The following RFC3 variants were observed in gnomAD, a reference collection of about 807,000 sequenced individuals.
RFC3 encodes the protein replication factor C subunit 3.
In RFC3, 41 loss-of-function variants were observed where a neutral mutation model predicts 45.1. The ratio of observed to expected loss-of-function variants is 0.91; its 90% CI spans 0.71 to 1.18. RFC3 has a LOEUF of 1.18. RFC3 is among the 50% of genes most tolerant of loss of function. The probability of loss-of-function intolerance (pLI) is 0.00; values close to 1 mark genes in which losing one functional copy is unlikely to be tolerated. For synonymous variants in RFC3, 149 were observed against 144.0 expected, an observed-to-expected ratio of 1.03 and a Z score of -0.25; for missense variants, 423 against 428.1, an observed-to-expected ratio of 0.99 and a Z score of 0.10.
intron 8 of RFC3, among the ~76,000 whole-genome samples, chr13:33,902,040 C>T (rs746939788): frequency 2.0e-5 from 3 of 151,984 alleles, no homozygotes; most frequent in Non-Finnish European, 4.4e-5. Context: ...CCATCCCACA[C>T]ATAAGGCAAA....
chr13:33,845,240 A>T (rs993089997), intron 8 of RFC3, among the ~76,000 whole-genome samples: 2 of 152,082 alleles, frequency 1.3e-5, no homozygotes, highest in Non-Finnish European at 2.9e-5. Context: ...TGATTATTAG[A>T]TGCCTTGAGA....
At chr13:33,839,066 A>G (rs894370936), downstream of RFC3, among the ~76,000 whole-genome samples, 1 of 152,208 alleles carries the variant, frequency 6.6e-6, no homozygotes, top group South Asian at 2.1e-4. Context: ...ATACTTAGAC[A>G]TCATGAGACT....
chr13:33,937,606 T>A (rs920135318), intron 8 of RFC3, among the ~76,000 whole-genome samples: 6 of 152,174 alleles, frequency 3.9e-5, no homozygotes, highest in Non-Finnish European at 8.8e-5. Flanking sequence ...TTTTTGCTCC[T>A]GTGCACAATT....
intron 8 of RFC3, among the ~76,000 whole-genome samples, chr13:33,900,501 C>T (rs765349142): frequency 6.8e-6 from 1 of 146,680 alleles, no homozygotes; most frequent in Non-Finnish European, 1.5e-5. Context: ...AACTAGATTC[C>T]TATCTCTGTC....
chr13:33,856,572 G>A (rs1297016251), intron 8 of RFC3, among the ~76,000 whole-genome samples: 2 of 152,034 alleles, frequency 1.3e-5, no homozygotes, highest in Non-Finnish European at 2.9e-5. Flanking sequence ...TTTTCCACTG[G>A]GCTTAAGTAA....
exon 9 of RFC3, chr13:33,966,276 A>C (rs2083087364): frequency 1.5e-6 from 1 of 673,378 alleles, no homozygotes; most frequent in Non-Finnish European, 2.7e-6. Context: ...ATTTCCTGAG[A>C]AAATCCCTCC....
At chr13:33,830,888 T>G in intron 6 of RFC3, 33 bp downstream of exon 6, 1 of 1,583,258 alleles carries the variant, frequency 6.3e-7, no homozygotes, top group Non-Finnish European at 8.6e-7. Context: ...TTCTAGGACT[T>G]TGGCCCCCAA....
At chr13:33,923,361 A>C (rs1220021394) in intron 8 of RFC3, among the ~76,000 whole-genome samples, 1 of 152,066 alleles carries the variant, frequency 6.6e-6, no homozygotes, top group African/African-American at 2.4e-5. Context: ...GGCCCAAAAA[A>C]TGCCAGGAAT....
chr13:33,870,641 C>T (rs570369431), intron 8 of RFC3, among the ~76,000 whole-genome samples: 3 of 152,260 alleles, frequency 2.0e-5, no homozygotes, highest in South Asian at 4.1e-4. Flanking sequence ...AGAAGATAAA[C>T]ACTCAGTGGG....
intron 8 of RFC3, among the ~76,000 whole-genome samples, chr13:33,859,997 A>C (rs1470779264): frequency 2.0e-5 from 3 of 152,178 alleles, no homozygotes; most frequent in African/African-American, 7.2e-5. Flanking sequence ...TGGTGACCTC[A>C]TAAGATGAGG....
intron 8 of RFC3, among the ~76,000 whole-genome samples, chr13:33,962,251 T>C (rs1367213145): frequency 1.3e-5 from 2 of 152,204 alleles, no homozygotes; most frequent in African/African-American, 4.8e-5. Context: ...AAAGGAAGAT[T>C]TGATGGATCT....
chr13:33,855,392 T>C (rs7986429), intron 8 of RFC3, among the ~76,000 whole-genome samples: 78 of 152,308 alleles, frequency 5.1e-4, no homozygotes, highest in African/African-American at 1.8e-3. Context: ...GACGGGCATT[T>C]AGGTTGATTC....
intron 8 of RFC3, among the ~76,000 whole-genome samples, chr13:33,919,170 A>G (rs1043432795): frequency 1.3e-5 from 2 of 152,166 alleles, no homozygotes; most frequent in Non-Finnish European, 2.9e-5. Context: ...TCACCCATTC[A>G]GAAATGCTGC....
At chr13:33,851,449 C>T (rs1438122947) in intron 8 of RFC3, among the ~76,000 whole-genome samples, 1 of 151,902 alleles carries the variant, frequency 6.6e-6, no homozygotes, top group Non-Finnish European at 1.5e-5. Flanking sequence ...TACATTCTTA[C>T]CATAAAGTCA....
At chr13:33,920,519 C>G (rs1324029262) in intron 8 of RFC3, among the ~76,000 whole-genome samples, 1 of 149,740 alleles carries the variant, frequency 6.7e-6, no homozygotes, top group African/African-American at 2.5e-5. Flanking sequence ...GCCTGGACCT[C>G]CTAGGCTCAA....
chr13:33,849,227 G>A (rs953079104), intron 8 of RFC3: 2 of 152,294 alleles, frequency 1.3e-5, no homozygotes, highest in African/African-American at 2.4e-5. Context: ...ACCTGAAGCA[G>A]GAAGGAATAT....
At chr13:33,914,185 T>C (rs1315420709) in intron 8 of RFC3, among the ~76,000 whole-genome samples, 2 of 152,134 alleles carry the variant, frequency 1.3e-5, no homozygotes, top group Non-Finnish European at 2.9e-5. Context: ...TTTAAGCTAA[T>C]AGGAAGCCAC....
intron 8 of RFC3, among the ~76,000 whole-genome samples, chr13:33,939,467 C>G (rs1398678685): frequency 2.0e-5 from 3 of 152,120 alleles, no homozygotes; most frequent in African/African-American, 7.2e-5. Context: ...TAAGGAGGCT[C>G]TCTCTGTGTG....
At chr13:33,884,836 T>G (rs891921335) in intron 8 of RFC3, among the ~76,000 whole-genome samples, 1 of 152,180 alleles carries the variant, frequency 6.6e-6, no homozygotes, top group African/African-American at 2.4e-5. Flanking sequence ...TGTTATTTCA[T>G]GTGGACAGAT....
Sources: allele counts gnomAD v4.1 joint callset (sites outside exome capture counted in the v4.1 genomes callset), GRCh38; gene constraint gnomAD v4.1.1; transcripts MANE v1.5; gene names NCBI Gene and HGNC (gene_info 2026-07-23, HGNC 2026-07-21).